The following CSTPP1 variants were observed in gnomAD, a reference collection of about 807,000 sequenced individuals.
CSTPP1 encodes centriolar satellite-associated tubulin polyglutamylase complex regulator 1.
the CSTPP1 span, among the ~76,000 whole-genome samples, chr11:47,093,212 G>T: frequency 6.6e-6 from 1 of 152,258 alleles, no homozygotes; most frequent in East Asian, 1.9e-4. Flanking sequence ...AATAAGAATT[G>T]AGTTTTAAAA....
At chr11:46,975,839 T>C in the CSTPP1 span, among the ~76,000 whole-genome samples, 2 of 152,230 alleles carry the variant, frequency 1.3e-5, no homozygotes, top group African/African-American at 4.8e-5. Context: ...AGAATAGTAA[T>C]GAAGTTTCTA....
the CSTPP1 span, chr11:47,155,379 G>A: frequency 2.3e-5 from 21 of 923,488 alleles, no homozygotes; most frequent in Non-Finnish European, 3.0e-5. Context: ...TTCCTTTGGG[G>A]GTGTGCTTCA....
At chr11:47,107,610 G>GT in the CSTPP1 span, among the ~76,000 whole-genome samples, 8 of 151,590 alleles carry the variant, frequency 5.3e-5, no homozygotes, top group East Asian at 1.5e-3. Context: ...TATTTTCATG[G>GT]TTTTTTTTCA....
the CSTPP1 span, chr11:47,052,284 A>T: frequency 2.1e-6 from 3 of 1,415,846 alleles, no homozygotes; most frequent in Non-Finnish European, 2.9e-6. Flanking sequence ...GGGGAGAAAA[A>T]TTCCCCGTTT....
the CSTPP1 span, among the ~76,000 whole-genome samples, chr11:47,043,283 C>T: frequency 8.5e-5 from 13 of 152,162 alleles, no homozygotes; most frequent in Non-Finnish European, 1.9e-4. Context: ...GTGGTGCACA[C>T]CTGTAGCCCC....
At chr11:46,988,981 C>T in the CSTPP1 span, among the ~76,000 whole-genome samples, 7 of 152,100 alleles carry the variant, frequency 4.6e-5, no homozygotes, top group African/African-American at 1.7e-4. Flanking sequence ...CCCGTAATCC[C>T]AGCACTTTGG....
the CSTPP1 span, among the ~76,000 whole-genome samples, chr11:47,089,375 C>G: frequency 6.6e-6 from 1 of 151,578 alleles, no homozygotes; most frequent in Non-Finnish European, 1.5e-5. Flanking sequence ...CAAAGATTGT[C>G]TAATGTTCAT....
the CSTPP1 span, among the ~76,000 whole-genome samples, chr11:47,101,599 T>C: frequency 6.6e-6 from 1 of 151,306 alleles, no homozygotes; most frequent in East Asian, 1.9e-4. Context: ...ATATTCATCT[T>C]AGAAAAAAAA....
At chr11:47,110,620 G>T in the CSTPP1 span, among the ~76,000 whole-genome samples, 1 of 152,128 alleles carries the variant, frequency 6.6e-6, no homozygotes, top group African/African-American at 2.4e-5. Flanking sequence ...CACAAAGTAT[G>T]CCCACTTCCA....
the CSTPP1 span, among the ~76,000 whole-genome samples, chr11:47,110,538 T>C: frequency 1.3e-5 from 2 of 152,308 alleles, no homozygotes; most frequent in South Asian, 4.1e-4. Context: ...CTGCCCCTTA[T>C]TGAGTAGGTT....
chr11:46,978,327 A>G, the CSTPP1 span, among the ~76,000 whole-genome samples: 3 of 152,232 alleles, frequency 2.0e-5, no homozygotes, highest in Non-Finnish European at 2.9e-5. Context: ...CTGGGACAGA[A>G]TCAGGGAAAG....
At chr11:47,090,705 T>G in the CSTPP1 span, among the ~76,000 whole-genome samples, 1 of 152,324 alleles carries the variant, frequency 6.6e-6, no homozygotes, top group Middle Eastern at 3.4e-3. Context: ...AGCCCTTTTA[T>G]CCATGCCTTG....
chr11:47,152,118 C>T, the CSTPP1 span, among the ~76,000 whole-genome samples: 1 of 151,958 alleles, frequency 6.6e-6, no homozygotes, highest in African/African-American at 2.4e-5. Context: ...GGCATGGTGA[C>T]AGGCACCTGT....
chr11:47,010,643 A>G, the CSTPP1 span, among the ~76,000 whole-genome samples: 1 of 152,218 alleles, frequency 6.6e-6, no homozygotes, highest in South Asian at 2.1e-4. Flanking sequence ...CTTGCAACCA[A>G]GAACCCTATT....
At chr11:46,966,374 G>A in the CSTPP1 span, among the ~76,000 whole-genome samples, 16 of 152,154 alleles carry the variant, frequency 1.1e-4, no homozygotes, top group African/African-American at 3.6e-4. Flanking sequence ...AAGCTCTCAG[G>A]CTCATGGATG....
the CSTPP1 span, among the ~76,000 whole-genome samples, chr11:47,003,503 G>A: frequency 2.0e-5 from 3 of 152,160 alleles, no homozygotes; most frequent in South Asian, 2.1e-4. Context: ...CTCAGCTCCC[G>A]GCCCCCTTGC....
At chr11:47,163,990 C>T in the CSTPP1 span, 4 of 1,353,642 alleles carry the variant, frequency 3.0e-6, no homozygotes, top group Non-Finnish European at 4.0e-6. Flanking sequence ...CCAGTCAAGC[C>T]TACTGCCGTG....
the CSTPP1 span, among the ~76,000 whole-genome samples, chr11:47,066,802 G>A: frequency 1.3e-5 from 2 of 152,050 alleles, no homozygotes; most frequent in East Asian, 1.9e-4. Context: ...GTCATTCAGC[G>A]ATTCACCAAA....
At chr11:47,141,455 A>G in the CSTPP1 span, among the ~76,000 whole-genome samples, 2 of 151,638 alleles carry the variant, frequency 1.3e-5, no homozygotes, top group African/African-American at 2.4e-5. Context: ...AAAATACAAA[A>G]ACTTAGCCAG....
Sources: allele counts gnomAD v4.1 joint callset (sites outside exome capture counted in the v4.1 genomes callset), GRCh38; gene constraint gnomAD v4.1.1; transcripts MANE v1.5; gene names NCBI Gene and HGNC (gene_info 2026-07-23, HGNC 2026-07-21).